CTNNA2: variants seen among roughly 807,000 people sequenced by gnomAD.
CTNNA2 encodes the protein catenin alpha-2.
Under a neutral mutation model 101.0 loss-of-function variants are expected in CTNNA2, and 42 were observed. That is an observed-to-expected ratio of 0.42 (90% CI 0.32 to 0.54). The LOEUF is 0.54. Among genes scored for constraint, CTNNA2 ranks in the 20% least tolerant of loss-of-function variants. The pLI is 0.14. For missense variants in CTNNA2, 871 were observed against 1,223.1 expected (o/e 0.71, Z 4.29); for synonymous variants, 450 against 456.4 (o/e 0.99, Z 0.18).
chr2:79,335,520 A>AT (rs1676974883), intron 3 of CTNNA2, among the ~76,000 whole-genome samples: 1 of 152,282 alleles, frequency 6.6e-6, no homozygotes. Flanking sequence ...CACTTCCTCA[A>AT]TTTCCTTCCA....
intron 7 of CTNNA2, among the ~76,000 whole-genome samples, chr2:80,256,713 T>C (rs1672187866): frequency 6.6e-6 from 1 of 152,182 alleles, no homozygotes; most frequent in African/African-American, 2.4e-5. Context: ...ATTGCGGCGA[T>C]CTGGAATGTT....
rs1277007029 is a variant in CTNNA2 at position 80,495,369 on chromosome 2, A to G, written c.1291-49613A>G. On this transcript the variant is annotated intron_variant, in intron 9 of 18. Coordinates refer to ENST00000402739, the MANE Select transcript of CTNNA2 (RefSeq NM_001282597.3). ...CTCCTTATTTGTCTGACATTCACCAACTAAACTCTCTTCTGTCTCTTAAAG... is the reference window on the plus strand; with the variant it reads ...CTCCTTATTTGTCTGACATTCACCAGCTAAACTCTCTTCTGTCTCTTAAAG... Among the ~76,000 whole-genome samples the G allele has an allele frequency of 2.0e-5, 3 of 152,174 alleles. No homozygotes were observed. In the East Asian group the frequency reaches 5.8e-4, roughly 29 times the overall value.
At chr2:79,799,267 G>A (rs1388869870) in intron 3 of CTNNA2, among the ~76,000 whole-genome samples, 3 of 149,686 alleles carry the variant, frequency 2.0e-5, no homozygotes, top group African/African-American at 4.9e-5. Flanking sequence ...GTATGCTTAT[G>A]TATCTAGATA....
chr2:79,695,912 C>T (rs1464241005), intron 2 of CTNNA2, among the ~76,000 whole-genome samples: 1 of 152,026 alleles, frequency 6.6e-6, no homozygotes, highest in Admixed American at 6.6e-5. Context: ...TTCTCATTTT[C>T]TCTCTTTTGG....
intron 3 of CTNNA2, among the ~76,000 whole-genome samples, chr2:79,826,676 T>G (rs1678462372): frequency 6.6e-6 from 1 of 152,234 alleles, no homozygotes; most frequent in Admixed American, 6.5e-5. Flanking sequence ...ATGAGAAGTT[T>G]ATTAGATAAA....
intron 9 of CTNNA2, 69 bp from the exon 10 acceptor site, chr2:80,544,913 C>T: frequency 7.5e-7 from 1 of 1,338,898 alleles, no homozygotes; most frequent in Non-Finnish European, 1.0e-6. Flanking sequence ...AGAGAAGGTC[C>T]AAGGCGGAGC....
chr2:80,120,118 G>A (rs935587198), intron 7 of CTNNA2, among the ~76,000 whole-genome samples: 3 of 152,144 alleles, frequency 2.0e-5, no homozygotes, highest in Admixed American at 6.5e-5. Context: ...AAGTTCCTCA[G>A]TGCTTTTTTT....
chr2:79,543,958 C>T (rs971582611), intron 1 of CTNNA2, among the ~76,000 whole-genome samples: 21 of 151,928 alleles, frequency 1.4e-4, no homozygotes, highest in African/African-American at 5.1e-4. Flanking sequence ...GGGGACTTTT[C>T]TTGGAAATGG....
intron 1 of CTNNA2, among the ~76,000 whole-genome samples, chr2:79,592,998 G>A (rs999934433): frequency 9.2e-5 from 14 of 152,194 alleles, no homozygotes; most frequent in African/African-American, 2.9e-4. Flanking sequence ...GCCAAGCTAC[G>A]CATAGTTTTC....
chr2:80,054,157 T>G (rs904050096), intron 7 of CTNNA2, among the ~76,000 whole-genome samples: 1 of 152,058 alleles, frequency 6.6e-6, no homozygotes, highest in African/African-American at 2.4e-5. Flanking sequence ...CAGATGGGGG[T>G]TTGATTGATT....
intron 3 of CTNNA2, among the ~76,000 whole-genome samples, chr2:79,324,196 G>T (rs1173774236): frequency 6.6e-6 from 1 of 152,216 alleles, no homozygotes; most frequent in Non-Finnish European, 1.5e-5. Flanking sequence ...GTTACTTGCA[G>T]CTCTGAATGA....
rs1207651947 is a variant in CTNNA2, at chr2:79,858,198, T to A, written c.465+19T>A. On this transcript the variant is annotated intron_variant, in intron 4 of 18. Transcript: ENST00000402739. ...GAAAATTGTACGTATGTAGAACTTATCAAAACTTTCTTTATGTGAGTGGCA... is the reference window on the plus strand; with the variant it reads ...GAAAATTGTACGTATGTAGAACTTAACAAAACTTTCTTTATGTGAGTGGCA... 1.3e-6 allele frequency: 2 copies of A among 1,592,698 alleles called. No homozygotes were observed. The highest frequency in any genetic ancestry group is 2.2e-5 in the South Asian group (2 of 90,464).
chr2:80,475,808 T>C (rs1685683646), intron 9 of CTNNA2, among the ~76,000 whole-genome samples: 1 of 152,096 alleles, frequency 6.6e-6, no homozygotes, highest in Non-Finnish European at 1.5e-5. Flanking sequence ...ACACAGAATA[T>C]TGCCACATAT....
chr2:79,255,460 G>A (rs896215876), intron 2 of CTNNA2, among the ~76,000 whole-genome samples: 4 of 152,102 alleles, frequency 2.6e-5, no homozygotes, highest in East Asian at 1.9e-4. Context: ...TCAATCTTTC[G>A]AATAGAGAGC....
At chr2:79,538,294 A>C (rs1271892051) in intron 1 of CTNNA2, among the ~76,000 whole-genome samples, 4 of 152,164 alleles carry the variant, frequency 2.6e-5, no homozygotes, top group Admixed American at 2.6e-4. Context: ...ATCAGAAACA[A>C]GTGTCTTTGA....
intron 3 of CTNNA2, among the ~76,000 whole-genome samples, chr2:79,856,373 G>C (rs531327427): frequency 1.3e-5 from 2 of 152,156 alleles, no homozygotes; most frequent in East Asian, 3.9e-4. Flanking sequence ...CTTATGACTA[G>C]GACTAATTAC....
At chr2:79,441,800 T>G (rs1678780751) in intron 4 of CTNNA2, among the ~76,000 whole-genome samples, 1 of 152,204 alleles carries the variant, frequency 6.6e-6, no homozygotes, top group Non-Finnish European at 1.5e-5. Context: ...ATAATACACA[T>G]GAAAACCGTC....
chr2:79,461,062 G>A (rs930748098), intron 4 of CTNNA2, among the ~76,000 whole-genome samples: 5 of 152,168 alleles, frequency 3.3e-5, no homozygotes, highest in South Asian at 2.1e-4. Context: ...GGCTGGTCTC[G>A]AACCCCTGAC....
At chr2:80,197,403 G>A (rs2149008684) in intron 7 of CTNNA2, among the ~76,000 whole-genome samples, 1 of 152,244 alleles carries the variant, frequency 6.6e-6, no homozygotes, top group South Asian at 2.1e-4. Context: ...GTTTATTGCA[G>A]TCACATCTTA....
Sources: allele counts gnomAD v4.1 joint callset (sites outside exome capture counted in the v4.1 genomes callset), GRCh38; gene constraint gnomAD v4.1.1; transcripts MANE v1.5; gene names NCBI Gene and HGNC (gene_info 2026-07-23, HGNC 2026-07-21).